The following HPCAL1 variants were observed in gnomAD, a reference collection of about 807,000 sequenced individuals.
HPCAL1 encodes hippocalcin like 1.
In HPCAL1, 8 loss-of-function variants were observed where a neutral mutation model predicts 17.1. The ratio of observed to expected loss-of-function variants is 0.47; its 90% CI spans 0.27 to 0.84. The LOEUF is 0.84. Among genes scored for constraint, HPCAL1 ranks in the 40% least tolerant of loss-of-function variants. The pLI is 0.13. For missense variants in HPCAL1, 165 were observed against 271.1 expected (o/e 0.61, Z 2.75); for synonymous variants, 112 against 111.4 (o/e 1.01, Z -0.03).
intron 3 of HPCAL1, 73 bp downstream of exon 3, chr2:10,420,208 G>GTTTT: frequency 9.5e-6 from 7 of 734,136 alleles, no homozygotes; most frequent in Non-Finnish European, 1.3e-5. Flanking sequence ...CCAGCCCAGG[G>GTTTT]CTTTTTTTTT....
chr2:10,401,457 G>C (rs1034627222), intron 2 of HPCAL1, among the ~76,000 whole-genome samples: 1 of 152,048 alleles, frequency 6.6e-6, no homozygotes, highest in Non-Finnish European at 1.5e-5. Flanking sequence ...TGGCTCTTTT[G>C]CTGAGGCTAG....
In HPCAL1 at chr2:10,342,783, A is replaced by C. The variant is rs59372106; in HGVS notation, c.-111+39606A>C. On this transcript the variant is annotated intron_variant, in intron 1 of 4. Coordinates refer to ENST00000307845, the MANE Select transcript of HPCAL1 (RefSeq NM_002149.4). The surrounding 1 kb of genome is among the most constrained non-coding windows in gnomAD (Gnocchi z 4.1). ...TTCCCGGTTGGGCCAGCTGCCCTCC[A>C]GTAGCTACGCAGGATGCTCTGGCCG... is the stretch of plus-strand genomic sequence containing the variant. Among the ~76,000 whole-genome samples the C allele has an allele frequency of 0.05, 7,676 of 152,306 alleles. 654 individuals are homozygous for C. Among genetic ancestry groups the C allele is most frequent in the East Asian group, 0.39 (2,034 of 5,166 alleles).
rs576583424 is a variant in HPCAL1 at position 10,320,502 on chromosome 2, G to A, written c.-111+17325G>A. Among the ~76,000 whole-genome samples, 27 of 152,266 alleles carry A rather than the reference G, an allele frequency of 1.8e-4. No individual in the cohort carries two copies. In the South Asian group the frequency reaches 5.2e-3, roughly 29 times the overall value. On this transcript the variant is annotated intron_variant, in intron 1 of 4. Transcript: ENST00000307845. ...CTTCTGACGTGATTGTAGGTTTCCC[G>A]AGGCCTCCCCAGCCATGCTTCCTGT...
rs1168868314 is a variant in HPCAL1 at position 10,377,314 on chromosome 2, C to A, written c.-110-19521C>A. Among the ~76,000 whole-genome samples the A allele has an allele frequency of 3.3e-5, 5 of 152,228 alleles. No homozygotes were observed. The highest frequency in any genetic ancestry group is 1.2e-4 in the African/African-American group (5 of 41,456). Reference sequence around the variant, plus strand: ...CCCTGCCCCCGAGCCAGGCCCCAGGCTGCACCTTTCCACTGCTTCACACCA... The same window carrying A: ...CCCTGCCCCCGAGCCAGGCCCCAGGATGCACCTTTCCACTGCTTCACACCA... On this transcript the variant is annotated intron_variant, in intron 1 of 4. Transcript: ENST00000307845. The surrounding 1 kb of genome is among the most constrained non-coding windows in gnomAD (Gnocchi z 5.9).
chr2:10,401,682 C>T (rs994171159), intron 2 of HPCAL1, among the ~76,000 whole-genome samples: 6 of 152,140 alleles, frequency 3.9e-5, no homozygotes, highest in Admixed American at 6.5e-5. Context: ...GTGTTCTAGG[C>T]GCTGTGCTAA....
intron 1 of HPCAL1, among the ~76,000 whole-genome samples, chr2:10,307,098 G>A (rs2125375215): frequency 6.6e-6 from 1 of 152,234 alleles, no homozygotes; most frequent in South Asian, 2.1e-4. Flanking sequence ...GGGTGGAGGT[G>A]TCTTAGCCCC....
At chr2:10,341,664 G>A (rs1228178090) in intron 1 of HPCAL1, among the ~76,000 whole-genome samples, 2 of 152,116 alleles carry the variant, frequency 1.3e-5, no homozygotes, top group East Asian at 3.9e-4. Context: ...AAAGTGGGGA[G>A]GGATTCCCTC....
At chr2:10,303,870 C>T (rs1395561043) in intron 1 of HPCAL1, 1 of 152,314 alleles carries the variant, frequency 6.6e-6, no homozygotes, top group Non-Finnish European at 1.5e-5. Flanking sequence ...GACAGCTCCT[C>T]CCTTGGGGGC....
At chr2:10,410,541 C>T (rs1283135270) in intron 2 of HPCAL1, among the ~76,000 whole-genome samples, 1 of 148,604 alleles carries the variant, frequency 6.7e-6, no homozygotes, top group Non-Finnish European at 1.5e-5. Flanking sequence ...AACTCCCTCT[C>T]CCATGTTTCC....
chr2:10,404,241 C>T (rs759676147), intron 2 of HPCAL1, among the ~76,000 whole-genome samples: 6 of 152,232 alleles, frequency 3.9e-5, no homozygotes, highest in Admixed American at 6.5e-5. Flanking sequence ...AAGGAGCTCC[C>T]ACCTTAGCCA....
intron 1 of HPCAL1, among the ~76,000 whole-genome samples, chr2:10,390,215 G>A (rs2125560221): frequency 6.6e-6 from 1 of 152,282 alleles, no homozygotes; most frequent in South Asian, 2.1e-4. Context: ...AACCTGGATG[G>A]TCTCATGTGG....
At chr2:10,358,742 C>T (rs1666343145) in intron 1 of HPCAL1, among the ~76,000 whole-genome samples, 1 of 152,154 alleles carries the variant, frequency 6.6e-6, no homozygotes, top group African/African-American at 2.4e-5. Context: ...GGAAAACCAT[C>T]TCCCTTCTGG....
intron 1 of HPCAL1, among the ~76,000 whole-genome samples, chr2:10,351,565 C>T (rs1326509300): frequency 6.6e-6 from 1 of 152,078 alleles, no homozygotes; most frequent in Non-Finnish European, 1.5e-5. Flanking sequence ...CCAGATCAGC[C>T]TGGGCAACAT....
intron 2 of HPCAL1, among the ~76,000 whole-genome samples, chr2:10,400,935 T>C (rs1669568054): frequency 1.3e-5 from 2 of 152,144 alleles, no homozygotes; most frequent in South Asian, 4.1e-4. Context: ...GAGCATCTGC[T>C]CCATGTCGGG....
chr2:10,382,701 A>G (rs922953949), intron 1 of HPCAL1, among the ~76,000 whole-genome samples: 2 of 151,288 alleles, frequency 1.3e-5, no homozygotes, highest in Non-Finnish European at 2.9e-5. Flanking sequence ...AAACAGCTCT[A>G]TGAGGTTCTG....
intron 1 of HPCAL1, among the ~76,000 whole-genome samples, chr2:10,356,280 G>T (rs1666148030): frequency 6.6e-6 from 1 of 152,186 alleles, no homozygotes; most frequent in East Asian, 1.9e-4. Context: ...AATCATGAGT[G>T]CAGCATGAGA....
rs1273833582 is a variant in HPCAL1, at chr2:10,427,341, T to G, written c.*520T>G. 1.9e-5 allele frequency: 3 copies of G among 156,700 alleles called. No individual in the cohort carries two copies. The highest frequency in any genetic ancestry group is 2.8e-5 in the Non-Finnish European group (2 of 70,978). 9.7% of individuals were successfully genotyped at this position (156,700 alleles called of 1,614,324 possible). On this transcript the variant is annotated 3_prime_UTR_variant, in exon 5 of 5. Transcript: ENST00000307845. ...TTTCTTTTAATATATAAATTATGTA[T>G]GGTGAAGTGGAGTGTATTGTGTAGG...
chr2:10,353,965 T>G (rs954607769), intron 1 of HPCAL1, among the ~76,000 whole-genome samples: 2 of 152,224 alleles, frequency 1.3e-5, no homozygotes, highest in African/African-American at 4.8e-5. Context: ...TGGTCTAGAA[T>G]GTGGAATGCT....
chr2:10,358,578 C>A (rs1346272943), intron 1 of HPCAL1, among the ~76,000 whole-genome samples: 1 of 152,196 alleles, frequency 6.6e-6, no homozygotes, highest in African/African-American at 2.4e-5. Context: ...TTGAGAGGAA[C>A]ACGTGGGTGG....
Sources: gnomAD v4.1 joint callset for allele counts (sites outside exome capture counted in the v4.1 genomes callset) on GRCh38, gnomAD v4.1.1 for gene constraint, Gnocchi (gnomAD v3.1) non-coding constraint, MANE v1.5 for transcripts, NCBI Gene and HGNC (gene_info 2026-07-23, HGNC 2026-07-21) for gene names.